The following HHEX variants were observed in gnomAD, a reference collection of about 807,000 sequenced individuals.
HHEX encodes hematopoietically-expressed homeobox protein HHEX.
In HHEX, 8 loss-of-function variants were observed where a neutral mutation model predicts 27.0. The ratio of observed to expected loss-of-function variants is 0.30; its 90% CI spans 0.17 to 0.54. HHEX has a LOEUF of 0.54. Among genes scored for constraint, HHEX ranks in the 20% least tolerant of loss-of-function variants. The pLI is 0.95. For missense variants in HHEX, 326 were observed against 357.2 expected (o/e 0.91, Z 0.70); for synonymous variants, 164 against 161.5 (o/e 1.02, Z -0.12).
At chr10:92,692,607 C>G in intron 2 of HHEX, 61 bp downstream of exon 2, 6 of 1,598,552 alleles carry the variant, frequency 3.8e-6, no homozygotes, top group Non-Finnish European at 5.1e-6. Flanking sequence ...GGGTAGGGGT[C>G]GCCGGGCCAC....
At position 92,692,423 on chromosome 10, in the gene HHEX, C is replaced by A; in HGVS notation, c.417C>A (p.Gly139=). Residue 139 remains glycine (G), a synonymous_variant, in exon 2 of 4, where the codon GGC becomes GGA. Transcript: ENST00000282728. The part of the protein sequence containing the change: ...FLQRPLHKRK[G]GQVRFSNDQT... ...AGAGGCCTCTGCATAAAAGGAAAGG[C>A]GGCCAGGTGAGATTCTCCAACGACC... The A allele has an allele frequency of 6.2e-7, 1 of 1,614,046 alleles. No homozygotes were observed. The highest frequency in any genetic ancestry group is 8.5e-7 in the Non-Finnish European group (1 of 1,179,996).
intron 1 of HHEX, among the ~76,000 whole-genome samples, chr10:92,690,748 G>T (rs1197649253): frequency 2.0e-5 from 3 of 152,230 alleles, no homozygotes; most frequent in Non-Finnish European, 4.4e-5. Context: ...CAACAGGCTT[G>T]TGCAGTGAAA....
intron 3 of HHEX, 57 bp from the exon 4 acceptor site, chr10:92,694,490 C>G: frequency 7.9e-7 from 1 of 1,269,952 alleles, no homozygotes; most frequent in Middle Eastern, 2.1e-4. Context: ...ATTTATTCCT[C>G]TCACCTATCC....
rs556825348 is a variant in HHEX at position 92,695,210 on chromosome 10, TCAGGCAGCCTTGGAGTATTTTAA to T, written c.*443_*465del. ...CCCCAAATCCAGAGGTGCCTACATT[TCAGGCAGCCTTGGAGTATTTTAA>T]AAGGAAAACATTCTTTACTTTTATA... On this transcript the variant is annotated 3_prime_UTR_variant, in exon 4 of 4. Transcript: ENST00000282728. 6.3e-6 allele frequency: 1 copy of T among 157,714 alleles called. No individual in the cohort carries two copies. Among genetic ancestry groups the T allele is most frequent in the East Asian group, 1.9e-4 (1 of 5,324 alleles). The allele number at this position is 157,714 out of a possible 1,614,324, so 9.8% of individuals were successfully genotyped here.
At chr10:92,692,248 T>C (rs1845362200) in intron 1 of HHEX, 120 bp from the exon 2 acceptor site, 1 of 969,748 alleles carries the variant, frequency 1.0e-6, no homozygotes, top group Non-Finnish European at 1.6e-6. Flanking sequence ...TGGGTGTATG[T>C]GAATGTGTCT....
chr10:92,692,256 T>A, intron 1 of HHEX, 112 bp from the exon 2 acceptor site: 1 of 1,066,222 alleles, frequency 9.4e-7, no homozygotes. Flanking sequence ...TGTGAATGTG[T>A]CTGGTTGGGT....
chr10:92,691,068 A>C (rs1845350283), intron 1 of HHEX, among the ~76,000 whole-genome samples: 1 of 152,150 alleles, frequency 6.6e-6, no homozygotes, highest in Non-Finnish European at 1.5e-5. Context: ...CTGAAGCCTG[A>C]CGCAAGCAAA....
chr10:92,691,054 C>G (rs554282980), intron 1 of HHEX, among the ~76,000 whole-genome samples: 1 of 152,248 alleles, frequency 6.6e-6, no homozygotes, highest in South Asian at 2.1e-4. Context: ...TGTTTTGCAC[C>G]AGTCTGAAGC....
chr10:92,692,571 C>T lies in HHEX; in HGVS notation c.540+25C>T, dbSNP rs770221901. On this transcript the variant is annotated intron_variant, in intron 2 of 3. Coordinates refer to ENST00000282728, the MANE Select transcript of HHEX (RefSeq NM_002729.5). ...GGTGAGCTCGCGGGGGGCCTGGGGCCGCCTCCGGGGAAGGGAAGGCTTCTG... is the reference window on the plus strand; with the variant it reads ...GGTGAGCTCGCGGGGGGCCTGGGGCTGCCTCCGGGGAAGGGAAGGCTTCTG... 1.6e-5 allele frequency: 26 copies of T among 1,612,026 alleles called. No homozygotes were observed. The African/African-American group carries it at 2.5e-4, about 16-fold the overall frequency.
At position 92,690,041 on chromosome 10, in the gene HHEX, G is replaced by C. The variant is rs1218689152; in HGVS notation, c.55G>C (p.Ala19Pro). 3 of 1,523,470 alleles carry C rather than the reference G, an allele frequency of 2.0e-6. No individual in the cohort carries two copies. Among genetic ancestry groups the C allele is most frequent in the African/African-American group, 2.9e-5 (2 of 69,722 alleles). The allele number at this position is 1,523,470 out of a possible 1,614,324, so 94.4% of individuals were successfully genotyped here. A position where few individuals can be genotyped will look rare whatever the true frequency, so the allele number is the denominator to read the frequency against. ...AAGAVGVPLY[A>P]PTPLLQPAHP... ...GGGCGCCGTGGGGGTGCCGCTGTACGCGCCCACGCCGCTGCTGCAACCCGC... is the reference window on the plus strand; with the variant it reads ...GGGCGCCGTGGGGGTGCCGCTGTACCCGCCCACGCCGCTGCTGCAACCCGC... The change falls in exon 1 of 4, where the codon GCG becomes CCG. Residue 19 changes from alanine (A) to proline (P), a missense_variant. Coordinates refer to ENST00000282728, the MANE Select transcript of HHEX (RefSeq NM_002729.5).
At position 92,694,812 on chromosome 10, in the gene HHEX, A is replaced by G. The variant is rs759513364; in HGVS notation, c.*44A>G. On this transcript the variant is annotated 3_prime_UTR_variant, in exon 4 of 4. Coordinates refer to ENST00000282728, the MANE Select transcript of HHEX (RefSeq NM_002729.5). ...TGTTCAGAAAACTGGATTTAGGAATAATGTTTTGCTACAGAAAATCTTCAT... is the reference window on the plus strand; with the variant it reads ...TGTTCAGAAAACTGGATTTAGGAATGATGTTTTGCTACAGAAAATCTTCAT... 7 of 1,382,124 alleles carry G rather than the reference A, an allele frequency of 5.1e-6. No individual in the cohort carries two copies. The highest frequency in any genetic ancestry group is 7.2e-6 in the Non-Finnish European group (7 of 977,458). 85.6% of individuals were successfully genotyped at this position (1,382,124 alleles called of 1,614,324 possible).
In HHEX at chr10:92,694,639, T is replaced by C. The variant is rs1845386903; in HGVS notation, c.684T>C (p.Gly228=). The C allele has an allele frequency of 1.2e-6, 2 of 1,613,994 alleles. No individual in the cohort carries two copies. Among genetic ancestry groups the C allele is most frequent in the African/African-American group, 2.7e-5 (2 of 74,930 alleles). The change falls in exon 4 of 4, where the codon GGT becomes GGC. Residue 228 remains glycine (G), a synonymous_variant. Transcript: ENST00000282728. ...RQDLPSEQNK[G]ASLDSSQCSP... Reference sequence around the variant, plus strand: ...ATTTGCCCAGTGAACAGAATAAAGGTGCTTCTTTGGATAGCTCTCAATGTT... The same window carrying C: ...ATTTGCCCAGTGAACAGAATAAAGGCGCTTCTTTGGATAGCTCTCAATGTT...
At chr10:92,690,673 C>T (rs867011202) in intron 1 of HHEX, among the ~76,000 whole-genome samples, 1 of 152,200 alleles carries the variant, frequency 6.6e-6, no homozygotes, top group African/African-American at 2.4e-5. Flanking sequence ...CGAGGCGCCC[C>T]TGGCCGGCCC....
intron 1 of HHEX, among the ~76,000 whole-genome samples, chr10:92,690,559 G>A (rs532873184): frequency 3.7e-4 from 56 of 152,134 alleles, no homozygotes; most frequent in African/African-American, 1.3e-3. Context: ...TGCAGGCGTC[G>A]GGGCGCGCGG....
Position 92,690,068 on chromosome 10 carries a change from C to T in HHEX, c.82C>T (p.His28Tyr). ...GCCCACGCCGCTGCTGCAACCCGCACACCCGACGCCCTTTTACATCGAGGA... is the reference window on the plus strand; with the variant it reads ...GCCCACGCCGCTGCTGCAACCCGCATACCCGACGCCCTTTTACATCGAGGA... ...YAPTPLLQPA[H>Y]PTPFYIEDIL... The change falls in exon 1 of 4, where the codon CAC becomes TAC. Residue 28 changes from histidine (H) to tyrosine (Y), a missense_variant. By Grantham distance (83) the His-to-Tyr change is moderately conservative. Transcript: ENST00000282728. The T allele has an allele frequency of 1.3e-6, 2 of 1,543,728 alleles. No individual in the cohort carries two copies. The highest frequency in any genetic ancestry group is 1.7e-6 in the Non-Finnish European group (2 of 1,144,458).
chr10:92,692,591 C>T (rs1201786882), intron 2 of HHEX, 45 bp downstream of exon 2: 1 of 1,610,598 alleles, frequency 6.2e-7, no homozygotes, highest in Non-Finnish European at 8.5e-7. Flanking sequence ...GAAGGGAAGG[C>T]TTCTGGGGTA....
chr10:92,693,983 A>AT (rs1056375289), intron 3 of HHEX, among the ~76,000 whole-genome samples: 1 of 151,978 alleles, frequency 6.6e-6, no homozygotes, highest in African/African-American at 2.4e-5. Context: ...CCAGATCCAC[A>AT]TTTTTTTTCT....
chr10:92,694,379 G>C (rs190359554), intron 3 of HHEX, among the ~76,000 whole-genome samples, 168 bp from the exon 4 acceptor site: 2 of 152,262 alleles, frequency 1.3e-5, no homozygotes, highest in African/African-American at 4.8e-5. Context: ...CTTCCAAAGT[G>C]AGCAAAAAGC....
At chr10:92,692,793 A>G (rs1845370997) in intron 3 of HHEX, 41 bp downstream of exon 3, 1 of 1,523,794 alleles carries the variant, frequency 6.6e-7, no homozygotes, top group South Asian at 1.1e-5. Context: ...AAATATTTTT[A>G]TCACGTTATC....
Sources: gnomAD v4.1 joint callset for allele counts (sites outside exome capture counted in the v4.1 genomes callset) on GRCh38, gnomAD v4.1.1 for gene constraint, MANE v1.5 for transcripts, NCBI Gene and HGNC (gene_info 2026-07-23, HGNC 2026-07-21) for gene names.